ABLIM2: variants seen among roughly 807,000 people sequenced by gnomAD.
ABLIM2 encodes the protein actin-binding LIM protein 2.
ABLIM2 carries 53 observed loss-of-function variants against 97.7 expected under a neutral mutation model. That is an observed-to-expected ratio of 0.54 (90% CI 0.44 to 0.68). The LOEUF (loss-of-function observed/expected upper bound fraction) is 0.68, where lower values mean the gene tolerates loss of function less well. Among genes scored for constraint, ABLIM2 ranks in the 30% least tolerant of loss-of-function variants. ABLIM2 has a pLI of 0.00. For synonymous variants in ABLIM2, 361 were observed against 345.8 expected, an observed-to-expected ratio of 1.04 and a Z score of -0.49; for missense variants, 835 against 867.2, an observed-to-expected ratio of 0.96 and a Z score of 0.47.
intron 14 of ABLIM2, among the ~76,000 whole-genome samples, chr4:8,017,205 G>C (rs1438824969): frequency 6.6e-6 from 1 of 152,180 alleles, no homozygotes; most frequent in East Asian, 1.9e-4. Flanking sequence ...CATACAACTA[G>C]CCCTGCTTCA....
At position 7,998,294 on chromosome 4, in the gene ABLIM2, C is replaced by A. The variant is rs1406674641; in HGVS notation, c.1619-5367G>T. Reference sequence around the variant, plus strand: ...TTGGATATTATGTTAGAAGACTGATCTTGTTAAGTGTTAAATCCTCTATTT... The same window carrying A: ...TTGGATATTATGTTAGAAGACTGATATTGTTAAGTGTTAAATCCTCTATTT... On this transcript the variant is annotated intron_variant, in intron 16 of 20. Transcript: ENST00000447017. The surrounding 1 kb of genome is among the most constrained non-coding windows in gnomAD (Gnocchi z 6.4). Among the ~76,000 whole-genome samples the A allele has an allele frequency of 6.6e-6, 1 of 152,152 alleles. No individual in the cohort carries two copies. The highest frequency in any genetic ancestry group is 1.5e-5 in the Non-Finnish European group (1 of 68,038).
At chr4:8,091,379 TTATA>T (rs1391392299) in intron 3 of ABLIM2, among the ~76,000 whole-genome samples, 1 of 59,794 alleles carries the variant, frequency 1.7e-5, no homozygotes, top group East Asian at 4.9e-4. Context: ...TTACATATAA[TTATA>T]TTATATATAA....
chr4:8,005,538 A>G lies in ABLIM2; in HGVS notation c.1618+2521T>C. The G allele has an allele frequency of 2.0e-6, 1 of 500,022 alleles. No homozygotes were observed. The highest frequency in any genetic ancestry group is 4.1e-6 in the Non-Finnish European group (1 of 244,154). 31.0% of individuals were successfully genotyped at this position (500,022 alleles called of 1,614,324 possible). ...CAGGTCTGGGGGCTACTTGGTGACAATCAAAAGAACCCCGAGAGAAAAAAA... is the reference window on the plus strand; with the variant it reads ...CAGGTCTGGGGGCTACTTGGTGACAGTCAAAAGAACCCCGAGAGAAAAAAA... On this transcript the variant is annotated intron_variant, in intron 16 of 20. Transcript: ENST00000447017. The surrounding 1 kb of genome is among the most constrained non-coding windows in gnomAD (Gnocchi z 4.9).
intron 1 of ABLIM2, among the ~76,000 whole-genome samples, chr4:8,116,315 T>C (rs1842753766): frequency 6.6e-6 from 1 of 152,232 alleles, no homozygotes; most frequent in Non-Finnish European, 1.5e-5. Flanking sequence ...TGCAGCTCTC[T>C]CTGTGCATGC....
At chr4:8,108,603 C>T (rs1171482064) in intron 1 of ABLIM2, among the ~76,000 whole-genome samples, 1 of 152,252 alleles carries the variant, frequency 6.6e-6, no homozygotes, top group Non-Finnish European at 1.5e-5. Flanking sequence ...TTCGTGCCCC[C>T]GCTTTCCAGT....
At position 8,097,346 on chromosome 4, in the gene ABLIM2, C is replaced by T. The variant is rs545344317; in HGVS notation, c.155-64G>A. On this transcript the variant is annotated intron_variant, in intron 2 of 20. Transcript: ENST00000447017. ...GGACCATCTCCACGTCCCCCAGGCC[C>T]GAGGTGCACCCCCCTCCACACACAC... 1.8e-3 allele frequency: 2,687 copies of T among 1,529,048 alleles called. 28 individuals carry two copies. Among genetic ancestry groups the T allele is most frequent in the South Asian group, 0.016 (1,340 of 83,108 alleles). 94.7% of individuals were successfully genotyped at this position (1,529,048 alleles called of 1,614,324 possible). A position where few individuals can be genotyped will look rare whatever the true frequency, so the allele number is the denominator to read the frequency against.
intron 1 of ABLIM2, among the ~76,000 whole-genome samples, chr4:8,121,224 C>A (rs1452958508): frequency 2.0e-5 from 3 of 152,156 alleles, no homozygotes; most frequent in Admixed American, 6.5e-5. Context: ...ACGGGGCTGG[C>A]AGGAGTTTGT....
chr4:8,092,932 T>A (rs1022923774), intron 3 of ABLIM2, among the ~76,000 whole-genome samples: 71 of 152,286 alleles, frequency 4.7e-4, no homozygotes, highest in African/African-American at 1.7e-3. Context: ...CTCTGCAACC[T>A]CCACTTCCTG....
Position 8,123,460 on chromosome 4 carries a change from C to T in ABLIM2, c.11-16823G>A, listed in dbSNP as rs529635970. On this transcript the variant is annotated intron_variant, in intron 1 of 20. Transcript: ENST00000447017. This position sits in a 1 kb window ranked among gnomAD's most constrained non-coding sequence, Gnocchi z 6.2. The stretch of plus-strand genomic sequence containing the variant: ...TGCCCTCCCGTCTCCCCCTCAAATT[C>T]CTGACCCTTCTCATGTTCTCCTGAT... 6.6e-6 allele frequency among the ~76,000 whole-genome samples: 1 copy of T among 152,324 alleles called. No individual in the cohort carries two copies. Among genetic ancestry groups the T allele is most frequent in the Admixed American group, 6.5e-5 (1 of 15,296 alleles).
rs376493928 is a variant in ABLIM2 at position 7,982,633 on chromosome 4, G to T, written c.1824+631C>A. Among the ~76,000 whole-genome samples the T allele has an allele frequency of 4.5e-4, 68 of 152,256 alleles. 1 individual carries two copies. In the South Asian group the frequency reaches 4.6e-3, roughly 10 times the overall value. On this transcript the variant is annotated intron_variant, in intron 20 of 20. Transcript: ENST00000447017. ...GGTTATTTTAGATGGGTGTAAGTGT[G>T]GTCGGGTGGGAAGCTGGGGCAGTTT... is the stretch of plus-strand genomic sequence containing the variant.
At chr4:8,020,074 G>T in intron 13 of ABLIM2, 128 bp downstream of exon 13, 1 of 759,494 alleles carries the variant, frequency 1.3e-6, no homozygotes. Context: ...TGCCTGGGGA[G>T]CAGTGGAGGA....
At chr4:8,101,196 G>T (rs574364251) in intron 2 of ABLIM2, among the ~76,000 whole-genome samples, 1 of 152,218 alleles carries the variant, frequency 6.6e-6, no homozygotes, top group Non-Finnish European at 1.5e-5. Context: ...GGGCTCCAGG[G>T]CTGGCCGGGC....
chr4:8,086,592 G>A (rs1183055110), intron 4 of ABLIM2, among the ~76,000 whole-genome samples: 2 of 151,900 alleles, frequency 1.3e-5, no homozygotes, highest in East Asian at 1.9e-4. Flanking sequence ...TGATCCACCC[G>A]CCCCGGCCTC....
At chr4:8,007,121 T>A in intron 16 of ABLIM2, 1 of 985,442 alleles carries the variant, frequency 1.0e-6, no homozygotes, top group Non-Finnish European at 1.2e-6. Flanking sequence ...CTACTTTCAT[T>A]GTTAAGTAGG....
In ABLIM2 at chr4:8,082,276, C is replaced by T. The variant is rs764904449; in HGVS notation, c.455-1474G>A. Among the ~76,000 whole-genome samples, 23 of 152,182 alleles carry T rather than the reference C, an allele frequency of 1.5e-4. No individual in the cohort carries two copies. Among genetic ancestry groups the T allele is most frequent in the Non-Finnish European group, 2.4e-4 (16 of 68,036 alleles). The stretch of plus-strand genomic sequence containing the variant: ...GGTACAAATCCTGGCCCCCACTATG[C>T]GCTGGGTCACACTGAGCGTATTCCT... On this transcript the variant is annotated intron_variant, in intron 4 of 20. Transcript: ENST00000447017. This position sits in a 1 kb window ranked among gnomAD's most constrained non-coding sequence, Gnocchi z 5.6.
chr4:7,970,692 G>A lies in ABLIM2; in HGVS notation c.1825-3589C>T, dbSNP rs1678952618. On this transcript the variant is annotated intron_variant, in intron 20 of 20. Coordinates refer to ENST00000447017, the MANE Select transcript of ABLIM2 (RefSeq NM_001130083.2). This position sits in a 1 kb window ranked among gnomAD's most constrained non-coding sequence, Gnocchi z 5.3. ...CCCTTGGGGATGACTGTGGGGGGGC[G>A]GTGGAGGGAGCATCTGGGTGGCTTC... Among the ~76,000 whole-genome samples the A allele has an allele frequency of 6.6e-6, 1 of 151,944 alleles. No individual in the cohort carries two copies. The highest frequency in any genetic ancestry group is 1.5e-5 in the Non-Finnish European group (1 of 68,006).
At chr4:7,981,716 G>A (rs933572396) in intron 20 of ABLIM2, among the ~76,000 whole-genome samples, 1 of 152,190 alleles carries the variant, frequency 6.6e-6, no homozygotes. Context: ...TCCCTGTACC[G>A]AGGGAGTGCT....
rs1486746572 is a variant in ABLIM2, at chr4:8,027,895, G to C, written c.1169-38C>G. The C allele has an allele frequency of 2.8e-6, 4 of 1,447,908 alleles. No homozygotes were observed. The African/African-American group carries it at 4.3e-5, about 16-fold the overall frequency. The allele number at this position is 1,447,908 out of a possible 1,614,324, so 89.7% of individuals were successfully genotyped here. On this transcript the variant is annotated intron_variant, in intron 11 of 20. Coordinates refer to ENST00000447017, the MANE Select transcript of ABLIM2 (RefSeq NM_001130083.2). ...AGAGAGCAAGTCAGAGTCAACCTGG[G>C]CTGGCTGGTGCAACGCCACACATAT...
chr4:8,045,469 T>C (rs1302022712), intron 8 of ABLIM2, among the ~76,000 whole-genome samples: 1 of 152,148 alleles, frequency 6.6e-6, no homozygotes, highest in Admixed American at 6.5e-5. Context: ...ACCAACATGG[T>C]GAAACCCTGT....
Sources: allele counts gnomAD v4.1 joint callset (sites outside exome capture counted in the v4.1 genomes callset), GRCh38; gene constraint gnomAD v4.1.1; non-coding constraint Gnocchi (gnomAD v3.1); transcripts MANE v1.5; gene names NCBI Gene and HGNC (gene_info 2026-07-23, HGNC 2026-07-21).